Variants in TTLL1 observed in about 807,000 individuals in gnomAD.
TTLL1 encodes TTL family tubulin polyglutamylase complex subunit L1.
In TTLL1, 33 loss-of-function variants were observed where a neutral mutation model predicts 47.8. The observed-to-expected ratio is 0.69, with a 90% CI of 0.52 to 0.92. The LOEUF (loss-of-function observed/expected upper bound fraction) is 0.92, where lower values mean the gene tolerates loss of function less well. Ranked by LOEUF, TTLL1 falls within the 40% of genes least tolerant of loss-of-function variation. TTLL1 has a pLI of 0.00. For missense variants in TTLL1, 488 were observed against 547.5 expected, an observed-to-expected ratio of 0.89 and a Z score of 1.08; for synonymous variants, 225 against 214.1, an observed-to-expected ratio of 1.05 and a Z score of -0.45.
At chr22:43,074,524 T>C (rs1427073431) in intron 3 of TTLL1, among the ~76,000 whole-genome samples, 1 of 151,826 alleles carries the variant, frequency 6.6e-6, no homozygotes, top group Non-Finnish European at 1.5e-5. Flanking sequence ...CTTCATTTCA[T>C]TCCATTTTTT....
intron 8 of TTLL1, among the ~76,000 whole-genome samples, chr22:43,054,970 C>T (rs188539031): frequency 2.5e-3 from 380 of 151,642 alleles, no homozygotes; most frequent in Middle Eastern, 0.024. Flanking sequence ...GTGATCCGCC[C>T]GCCTAGGCCT....
intron 10 of TTLL1, chr22:43,041,061 G>A (rs4822255): frequency 0.29 from 43,597 of 152,162 alleles, 6,527 homozygotes; most frequent in Middle Eastern, 0.4. Context: ...CTCCCAACTC[G>A]GGCGGCAGCA....
intron 3 of TTLL1, among the ~76,000 whole-genome samples, chr22:43,070,719 C>T (rs895287153): frequency 2.6e-5 from 4 of 152,154 alleles, no homozygotes; most frequent in Non-Finnish European, 4.4e-5. Context: ...GTTAACGGCA[C>T]GTGGCCAGTC....
At position 43,083,203 on chromosome 22, in the gene TTLL1, A is replaced by T. The variant is rs184611502; in HGVS notation, c.-89-3217T>A. ...AACATGGTGAAAACTCTTCTCTACT[A>T]AAAAAAATACAAAAAATTAGCTAGG... On this transcript the variant is annotated intron_variant, in intron 1 of 10. Transcript: ENST00000266254. Among the ~76,000 whole-genome samples, 598 of 149,594 alleles carry T rather than the reference A, an allele frequency of 4.0e-3. 7 individuals are homozygous for T. Among genetic ancestry groups the T allele is most frequent in the African/African-American group, 0.014 (580 of 40,642 alleles).
chr22:43,070,084 C>G (rs1928014357), intron 3 of TTLL1: 1 of 1,283,750 alleles, frequency 7.8e-7, no homozygotes, highest in Admixed American at 2.0e-5. Context: ...GTTTCCCTCT[C>G]TGGCCCGGAG....
At chr22:43,054,914 T>C (rs992613764) in intron 8 of TTLL1, among the ~76,000 whole-genome samples, 28 of 151,420 alleles carry the variant, frequency 1.8e-4, no homozygotes, top group Non-Finnish European at 3.5e-4. Context: ...TTAGTAGAGA[T>C]GGGGTTTCAC....
At chr22:43,068,235 T>C (rs1003002450) in intron 5 of TTLL1, among the ~76,000 whole-genome samples, 175 bp downstream of exon 5, 2 of 151,804 alleles carry the variant, frequency 1.3e-5, no homozygotes, top group African/African-American at 4.8e-5. Context: ...GAGAATCGCT[T>C]GAACCCAGAA....
At chr22:43,063,645 T>C (rs145533431) in intron 7 of TTLL1, among the ~76,000 whole-genome samples, 168 bp downstream of exon 7, 1,843 of 152,046 alleles carry the variant, frequency 0.012, 26 homozygotes, top group South Asian at 0.048. Context: ...TTTTTTTTTT[T>C]AGTAGAGACA....
At chr22:43,042,938 C>CTTT (rs59595664) in intron 10 of TTLL1, among the ~76,000 whole-genome samples, 6 of 129,726 alleles carry the variant, frequency 4.6e-5, no homozygotes, top group African/African-American at 1.8e-4. Flanking sequence ...GCTGCTTTTT[C>CTTT]TTTTTTTTTT....
chr22:43,070,075 T>C, intron 3 of TTLL1: 1 of 1,242,920 alleles, frequency 8.0e-7, no homozygotes, highest in South Asian at 1.4e-5. Flanking sequence ...TTCTGAGCTG[T>C]TTCCCTCTCT....
At chr22:43,075,073 G>T (rs1271795205) in intron 3 of TTLL1, among the ~76,000 whole-genome samples, 1 of 152,182 alleles carries the variant, frequency 6.6e-6, no homozygotes, top group Non-Finnish European at 1.5e-5. Context: ...CCTAAGGCAG[G>T]AGAATCGCTT....
intron 1 of TTLL1, among the ~76,000 whole-genome samples, chr22:43,081,249 G>A (rs538710530): frequency 6.6e-6 from 1 of 152,102 alleles, no homozygotes; most frequent in Non-Finnish European, 1.5e-5. Context: ...ATGTGGGCAT[G>A]CGCATCAAAG....
intron 3 of TTLL1, 115 bp from the exon 4 acceptor site, chr22:43,069,959 A>C: frequency 6.2e-6 from 9 of 1,443,168 alleles, no homozygotes; most frequent in African/African-American, 1.4e-5. Context: ...CTACTCCCAC[A>C]TCCCCTGGCA....
chr22:43,077,719 G>C (rs554738112), intron 2 of TTLL1, among the ~76,000 whole-genome samples: 1 of 152,234 alleles, frequency 6.6e-6, no homozygotes, highest in East Asian at 1.9e-4. Context: ...TCCCACCCCG[G>C]CTCCAACCAG....
rs1257356056 is a variant in TTLL1 at position 43,039,922 on chromosome 22, C to G, written c.1143-17G>C. ...TCATCATACCTGGAGACAGAAACAG[C>G]CAGGATCACGGCAGGCTCTCTTTCA... On this transcript the variant is annotated splice_polypyrimidine_tract_variant and intron_variant, in intron 10 of 10. Coordinates refer to ENST00000266254, the MANE Select transcript of TTLL1 (RefSeq NM_012263.5). 6.2e-7 allele frequency: 1 copy of G among 1,610,970 alleles called. No homozygotes were observed. The highest frequency in any genetic ancestry group is 8.5e-7 in the Non-Finnish European group (1 of 1,178,468).
At position 43,069,825 on chromosome 22, in the gene TTLL1, G is replaced by A. The variant is rs751873986; in HGVS notation, c.133C>T (p.Arg45Ter). ...NFYWMSVQTI[R>*]NVFSVEAGYR... is the part of the protein sequence containing the mutation. ...CCAGCTTCAACGCTGAACACATTTCGGATGGTTTGCACACTCATCCTGAAA... is the reference window on the plus strand; with the variant it reads ...CCAGCTTCAACGCTGAACACATTTCAGATGGTTTGCACACTCATCCTGAAA... Residue 45 changes from arginine (R) to a stop codon, truncating the protein, a stop_gained, in exon 4 of 11, where the codon CGA becomes TGA. Transcript: ENST00000266254. LOFTEE classifies it high-confidence loss of function. The A allele has an allele frequency of 8.7e-6, 14 of 1,613,982 alleles. No individual in the cohort carries two copies. Among genetic ancestry groups the A allele is most frequent in the African/African-American group, 4.0e-5 (3 of 74,918 alleles).
At position 43,068,586 on chromosome 22, in the gene TTLL1, A is replaced by T; in HGVS notation, c.327T>A (p.Phe109Leu). 1 of 1,482,300 alleles carries T rather than the reference A, an allele frequency of 6.7e-7. No individual in the cohort carries two copies. The highest frequency in any genetic ancestry group is 9.1e-7 in the Non-Finnish European group (1 of 1,097,450). The allele number at this position is 1,482,300 out of a possible 1,614,324, so 91.8% of individuals were successfully genotyped here. A position where few individuals can be genotyped will look rare whatever the true frequency, so the allele number is the denominator to read the frequency against. Residue 109 changes from phenylalanine (F) to leucine (L), a missense_variant, in exon 5 of 11, where the codon TTT (phenylalanine) becomes TTA (leucine). By Grantham distance (22) the Phe-to-Leu change is conservative. Coordinates refer to ENST00000266254, the MANE Select transcript of TTLL1 (RefSeq NM_012263.5). Reference protein sequence around the residue: ...DENGKYLYLDFVPVTYMLPAD... With the variant: ...DENGKYLYLDLVPVTYMLPAD... The stretch of plus-strand genomic sequence containing the variant: ...CGGGCAGCATATAGGTGACTGGAAC[A>T]AAGTCTGCAAGGCAAAGACACCCAG...
At chr22:43,079,551 A>G (rs1317120554) in intron 2 of TTLL1, among the ~76,000 whole-genome samples, 2 of 152,222 alleles carry the variant, frequency 1.3e-5, no homozygotes, top group Non-Finnish European at 2.9e-5. Flanking sequence ...CCACCCCCCA[A>G]CCACCGCCGT....
At chr22:43,050,196 TC>T (rs1376478294) in intron 9 of TTLL1, among the ~76,000 whole-genome samples, 4 of 151,944 alleles carry the variant, frequency 2.6e-5, no homozygotes, top group African/African-American at 9.7e-5. Context: ...GGTGGGCAGA[TC>T]ACGAGGTCAG....
Sources: allele counts gnomAD v4.1 joint callset (sites outside exome capture counted in the v4.1 genomes callset), GRCh38; gene constraint gnomAD v4.1.1; transcripts MANE v1.5; gene names NCBI Gene and HGNC (gene_info 2026-07-23, HGNC 2026-07-21).